The following CAST variants were observed in gnomAD, a reference collection of about 807,000 sequenced individuals.
CAST encodes the protein MIR583 host.
Under a neutral mutation model 119.6 loss-of-function variants are expected in CAST, and 76 were observed. The ratio of observed to expected loss-of-function variants is 0.64; its 90% CI spans 0.53 to 0.77. CAST has a LOEUF of 0.77. Ranked by LOEUF, CAST falls within the 30% of genes least tolerant of loss-of-function variation. CAST has a pLI of 0.00. For missense variants in CAST, 953 were observed against 946.5 expected, an observed-to-expected ratio of 1.01 and a Z score of -0.09; for synonymous variants, 319 against 331.6, an observed-to-expected ratio of 0.96 and a Z score of 0.41.
chr5:96,731,296 T>G (rs1760426727), intron 9 of CAST, among the ~76,000 whole-genome samples: 1 of 152,098 alleles, frequency 6.6e-6, no homozygotes, highest in Admixed American at 6.5e-5. Context: ...TCAAAGGAAA[T>G]ATTTCAAGTC....
At chr5:96,412,761 T>TG in the CAST span, among the ~76,000 whole-genome samples, 3 of 145,358 alleles carry the variant, frequency 2.1e-5, no homozygotes, top group Admixed American at 6.7e-5. Context: ...TGTTTTTTTT[T>TG]TTTTTTTTTT....
At position 96,672,048 on chromosome 5, in the gene CAST, C is replaced by G. The variant is rs190700613; in HGVS notation, c.76-3491C>G. Among the ~76,000 whole-genome samples, 381 of 152,236 alleles carry G rather than the reference C, an allele frequency of 2.5e-3. 2 individuals are homozygous for G. The highest frequency in any genetic ancestry group is 8.5e-3 in the African/African-American group (351 of 41,536). On this transcript the variant is annotated intron_variant, in intron 1 of 31. Coordinates refer to ENST00000675179, the MANE Select transcript of CAST (RefSeq NM_001750.7). ...ATAAAGTTGTTATTTACTGGAAATACCTGTTAATTGTCTTAGGGTGATAAT... is the reference window on the plus strand; with the variant it reads ...ATAAAGTTGTTATTTACTGGAAATAGCTGTTAATTGTCTTAGGGTGATAAT...
At chr5:95,961,915 G>T in the CAST span, 2 of 664,824 alleles carry the variant, frequency 3.0e-6, no homozygotes, top group Non-Finnish European at 4.6e-6. Flanking sequence ...CCCGCGCCCC[G>T]CCCCGGGCTC....
the CAST span, among the ~76,000 whole-genome samples, chr5:96,049,478 G>A: frequency 6.6e-6 from 1 of 152,200 alleles, no homozygotes; most frequent in Non-Finnish European, 1.5e-5. Flanking sequence ...AAGGGAAATA[G>A]ATGGCAGTGA....
chr5:96,029,782 G>C, the CAST span, among the ~76,000 whole-genome samples: 1 of 152,022 alleles, frequency 6.6e-6, no homozygotes, highest in Non-Finnish European at 1.5e-5. Context: ...ATATTTTGGG[G>C]GTTGTTAACT....
intron 1 of CAST, among the ~76,000 whole-genome samples, chr5:96,559,244 C>G (rs892235457): frequency 5.9e-5 from 9 of 152,144 alleles, no homozygotes; most frequent in African/African-American, 2.2e-4. Context: ...AACCCACAGC[C>G]AATATCATAC....
At chr5:96,772,578 G>A (rs1361038076) in intron 31 of CAST, 62 bp from the exon 32 acceptor site, 1 of 152,646 alleles carries the variant, frequency 6.6e-6, no homozygotes, top group Non-Finnish European at 1.5e-5. Context: ...TATTTACTAT[G>A]TCTGTAACAA....
chr5:96,151,877 T>C, the CAST span, among the ~76,000 whole-genome samples: 1 of 152,218 alleles, frequency 6.6e-6, no homozygotes, highest in Non-Finnish European at 1.5e-5. Flanking sequence ...CTAAAGGCTA[T>C]AAAGAGCAAA....
chr5:96,517,073 G>T, the CAST span, among the ~76,000 whole-genome samples: 1 of 151,784 alleles, frequency 6.6e-6, no homozygotes, highest in African/African-American at 2.4e-5. Context: ...TGGAATGGTT[G>T]GATTTCTTAA....
the CAST span, among the ~76,000 whole-genome samples, chr5:96,293,005 G>A: frequency 6.6e-6 from 1 of 152,194 alleles, no homozygotes; most frequent in South Asian, 2.1e-4. Flanking sequence ...GAAAATCAAA[G>A]TACGAATAGG....
chr5:96,428,139 T>G, the CAST span, among the ~76,000 whole-genome samples: 474 of 152,338 alleles, frequency 3.1e-3, 2 homozygotes, highest in African/African-American at 0.011. Context: ...TGTCTTTTTC[T>G]TCTTCTTTTA....
At chr5:96,652,912 T>C (rs1241505117) in intron 1 of CAST, among the ~76,000 whole-genome samples, 1 of 151,928 alleles carries the variant, frequency 6.6e-6, no homozygotes, top group African/African-American at 2.4e-5. Context: ...TTGGGAGAGG[T>C]AGCTAGGCAC....
At chr5:96,595,677 AG>A (rs541623794) in intron 1 of CAST, among the ~76,000 whole-genome samples, 9 of 152,370 alleles carry the variant, frequency 5.9e-5, no homozygotes, top group Admixed American at 5.9e-4. Context: ...ATAAAGGAGA[AG>A]GCCACCTAGA....
intron 1 of CAST, among the ~76,000 whole-genome samples, chr5:96,619,519 G>C (rs749031129): frequency 7.9e-5 from 12 of 152,220 alleles, no homozygotes; most frequent in Non-Finnish European, 1.8e-4. Flanking sequence ...AACCTGCTGG[G>C]TCCTCTTCCA....
At chr5:96,154,589 T>C in the CAST span, among the ~76,000 whole-genome samples, 2 of 152,212 alleles carry the variant, frequency 1.3e-5, no homozygotes, top group African/African-American at 4.8e-5. Flanking sequence ...TCCTTTTCTG[T>C]TCCGGGATCC....
chr5:96,358,072 T>C, the CAST span, among the ~76,000 whole-genome samples: 10 of 152,210 alleles, frequency 6.6e-5, no homozygotes, highest in African/African-American at 2.4e-4. Context: ...GGTGTGTGTG[T>C]CCAGGAATTT....
intron 1 of CAST, among the ~76,000 whole-genome samples, chr5:96,651,773 C>A (rs1748097431): frequency 6.6e-6 from 1 of 152,162 alleles, no homozygotes; most frequent in African/African-American, 2.4e-5. Context: ...TTCTATTACA[C>A]CTTTTACAAA....
chr5:96,432,451 G>A, the CAST span, among the ~76,000 whole-genome samples: 1 of 152,310 alleles, frequency 6.6e-6, no homozygotes, highest in African/African-American at 2.4e-5. Flanking sequence ...GGCAACAGCC[G>A]GCTCCTGACG....
the CAST span, among the ~76,000 whole-genome samples, chr5:96,502,614 GTCTTTCTT>G: frequency 0.036 from 5,223 of 143,236 alleles, 120 homozygotes; most frequent in African/African-American, 0.061. Flanking sequence ...AAGTTACCTA[GTCTTTCTT>G]TCTTTCTTTC....
Sources: allele counts gnomAD v4.1 joint callset (sites outside exome capture counted in the v4.1 genomes callset), GRCh38; gene constraint gnomAD v4.1.1; transcripts MANE v1.5; gene names NCBI Gene and HGNC (gene_info 2026-07-23, HGNC 2026-07-21).